The following SLC9B1 variants were observed in gnomAD, a reference collection of about 807,000 sequenced individuals.
SLC9B1 encodes solute carrier family 9 member B1.
Under a neutral mutation model 51.7 loss-of-function variants are expected in SLC9B1, and 32 were observed. That is an observed-to-expected ratio of 0.62 (90% confidence interval 0.47 to 0.83). SLC9B1 has a LOEUF of 0.83. SLC9B1 is among the 40% of genes least tolerant of loss of function. The pLI is 0.00. For missense variants in SLC9B1, 406 were observed against 613.2 expected, an observed-to-expected ratio of 0.66 and a Z score of 3.57; for synonymous variants, 145 against 212.7, an observed-to-expected ratio of 0.68 and a Z score of 2.77.
At position 102,971,086 on chromosome 4, in the gene SLC9B1, G is replaced by A. The variant is rs1370771589; in HGVS notation, c.211+18714C>T. Among the ~76,000 whole-genome samples the A allele has an allele frequency of 2.6e-5, 4 of 152,150 alleles. No homozygotes were observed. In the East Asian group the frequency reaches 7.7e-4, roughly 29 times the overall value. ...CAATATTAGACAGATCAATGAGACA[G>A]AAGGTTAACAAGGATTTCCAGGACT... On this transcript the variant is annotated intron_variant, in intron 3 of 11. Coordinates refer to ENST00000296422, the MANE Select transcript of SLC9B1 (RefSeq NM_139173.4).
intron 6 of SLC9B1, among the ~76,000 whole-genome samples, chr4:102,941,122 A>C (rs1014559123): frequency 1.3e-5 from 2 of 152,222 alleles, no homozygotes; most frequent in Middle Eastern, 3.2e-3. Context: ...AAGACGCCAA[A>C]AACAATTGCA....
chr4:102,940,601 C>T (rs1736942264), intron 6 of SLC9B1, among the ~76,000 whole-genome samples: 1 of 152,164 alleles, frequency 6.6e-6, no homozygotes, highest in Non-Finnish European at 1.5e-5. Flanking sequence ...AAGCATCACA[C>T]TACCTGACTT....
chr4:102,977,869 A>G (rs1446662373), intron 3 of SLC9B1, among the ~76,000 whole-genome samples: 1 of 152,182 alleles, frequency 6.6e-6, no homozygotes, highest in Non-Finnish European at 1.5e-5. Context: ...CAGGTTAGTT[A>G]CATATGTATA....
intron 11 of SLC9B1, among the ~76,000 whole-genome samples, chr4:102,885,673 A>G (rs540499419): frequency 3.3e-5 from 5 of 152,362 alleles, no homozygotes; most frequent in African/African-American, 1.2e-4. Flanking sequence ...TATGTAGAGT[A>G]ACATGTATTT....
chr4:102,912,693 C>A lies in SLC9B1; in HGVS notation c.830-1156G>T, dbSNP rs142821313. Among the ~76,000 whole-genome samples, 67 of 152,138 alleles carry A rather than the reference C, an allele frequency of 4.4e-4. 1 individual carries two copies. In the East Asian group the frequency reaches 0.012, roughly 26 times the overall value. On this transcript the variant is annotated intron_variant, in intron 7 of 11. Transcript: ENST00000296422. ...CCCAAGAGTTTGAGACCAGCTTGGG[C>A]AACAGAGTGAAACCCCATCTTTACA...
intron 9 of SLC9B1, among the ~76,000 whole-genome samples, chr4:102,907,391 G>GAT (rs1374324114): frequency 1.3e-5 from 2 of 152,180 alleles, no homozygotes; most frequent in Non-Finnish European, 2.9e-5. Flanking sequence ...AGTGAATCCT[G>GAT]ATATATATAG....
chr4:102,966,397 C>T (rs191339332), intron 3 of SLC9B1, among the ~76,000 whole-genome samples: 2 of 152,354 alleles, frequency 1.3e-5, no homozygotes, highest in Non-Finnish European at 2.9e-5. Context: ...GTTGTAAACG[C>T]CATCAAGGCT....
intron 3 of SLC9B1, among the ~76,000 whole-genome samples, chr4:102,972,402 T>C (rs566107526): frequency 1.0e-3 from 159 of 152,254 alleles, no homozygotes; most frequent in Non-Finnish European, 2.0e-3. Flanking sequence ...TGTGCCACCA[T>C]GCCCAGCTAA....
chr4:103,018,781 G>A (rs1741554743), intron 1 of SLC9B1, among the ~76,000 whole-genome samples: 1 of 152,166 alleles, frequency 6.6e-6, no homozygotes, highest in African/African-American at 2.4e-5. Flanking sequence ...CTGGTCTAAA[G>A]CAGGGATCCC....
chr4:102,949,384 T>C lies in SLC9B1; in HGVS notation c.255A>G (p.Leu85=). ...FVIWCMTWSI[L]GSEALPGGNL... ...TTCCACCAGGGAGAGCTTCAGAGCC[T>C]AAGATTGACCAGGTCATACACCATA... is the stretch of plus-strand genomic sequence containing the variant. The change falls in exon 4 of 12, where the codon TTA becomes TTG. Residue 85 remains leucine, a synonymous_variant. Coordinates refer to ENST00000296422, the MANE Select transcript of SLC9B1 (RefSeq NM_139173.4). 6.2e-7 allele frequency: 1 copy of C among 1,610,096 alleles called. No homozygotes were observed.
At chr4:102,918,751 G>T (rs1207884390) in intron 7 of SLC9B1, among the ~76,000 whole-genome samples, 1 of 152,210 alleles carries the variant, frequency 6.6e-6, no homozygotes, top group Non-Finnish European at 1.5e-5. Flanking sequence ...CAGTCACTGA[G>T]TCTGTTGTAG....
At chr4:102,975,923 G>T (rs1013258431) in intron 3 of SLC9B1, among the ~76,000 whole-genome samples, 1 of 151,836 alleles carries the variant, frequency 6.6e-6, no homozygotes, top group Non-Finnish European at 1.5e-5. Flanking sequence ...GGACATTGAT[G>T]AGACCACATA....
At chr4:102,940,258 C>T (rs1736924254) in intron 6 of SLC9B1, among the ~76,000 whole-genome samples, 1 of 152,036 alleles carries the variant, frequency 6.6e-6, no homozygotes, top group African/African-American at 2.4e-5. Flanking sequence ...TTCACAATAG[C>T]CACAAAAAAA....
intron 1 of SLC9B1, among the ~76,000 whole-genome samples, chr4:103,001,810 C>T (rs2110530480): frequency 6.6e-6 from 1 of 152,302 alleles, no homozygotes; most frequent in East Asian, 1.9e-4. Flanking sequence ...TTCACAGTAC[C>T]AATTTTCTGT....
At chr4:102,945,740 A>C (rs1560944142) in intron 5 of SLC9B1, among the ~76,000 whole-genome samples, 1 of 152,132 alleles carries the variant, frequency 6.6e-6, no homozygotes, top group Non-Finnish European at 1.5e-5. Context: ...TGCATAATTC[A>C]TTTTAAAAGG....
intron 3 of SLC9B1, among the ~76,000 whole-genome samples, chr4:102,985,880 A>G (rs1739591664): frequency 6.6e-6 from 1 of 152,096 alleles, no homozygotes; most frequent in Non-Finnish European, 1.5e-5. Flanking sequence ...AACACTTTAT[A>G]ATAATATTTC....
chr4:102,917,339 G>A (rs947985613), intron 7 of SLC9B1, among the ~76,000 whole-genome samples: 1 of 152,000 alleles, frequency 6.6e-6, no homozygotes, highest in Non-Finnish European at 1.5e-5. Flanking sequence ...ATGGCCTATT[G>A]TGGGACTTTG....
chr4:102,937,412 TAAA>T (rs754801733), intron 6 of SLC9B1, among the ~76,000 whole-genome samples: 186 of 45,234 alleles, frequency 4.1e-3, no homozygotes, highest in African/African-American at 0.015. Flanking sequence ...TCAGCATTCT[TAAA>T]AAAAAAAAAA....
chr4:102,929,938 G>A (rs1473518038), intron 7 of SLC9B1, among the ~76,000 whole-genome samples: 1 of 152,144 alleles, frequency 6.6e-6, no homozygotes, highest in Non-Finnish European at 1.5e-5. Flanking sequence ...CTTCTGAATG[G>A]TAAAAAGAGT....
Sources: allele counts gnomAD v4.1 joint callset (sites outside exome capture counted in the v4.1 genomes callset), GRCh38; gene constraint gnomAD v4.1.1; transcripts MANE v1.5; gene names NCBI Gene and HGNC (gene_info 2026-07-23, HGNC 2026-07-21).